The following LRRFIP1 variants were observed in gnomAD, a reference collection of about 807,000 sequenced individuals.
LRRFIP1 encodes the protein LRR binding FLII interacting protein 1.
Under a neutral mutation model 104.4 loss-of-function variants are expected in LRRFIP1, and 62 were observed. The ratio of observed to expected loss-of-function variants is 0.59; its 90% confidence interval spans 0.48 to 0.73. The LOEUF is 0.73. Ranked by LOEUF, LRRFIP1 falls within the 30% of genes least tolerant of loss-of-function variation. LRRFIP1 has a pLI of 0.00. For missense variants in LRRFIP1, 796 were observed against 824.5 expected (o/e 0.97, Z 0.42); for synonymous variants, 300 against 299.0 (o/e 1.00, Z -0.03).
intron 1 of LRRFIP1, among the ~76,000 whole-genome samples, chr2:237,646,222 A>T (rs75829358): frequency 0.19 from 28,372 of 151,130 alleles, 3,255 homozygotes; most frequent in Non-Finnish European, 0.25. Context: ...TTTCATTTTT[A>T]AAAAAAAATA....
intron 4 of LRRFIP1, among the ~76,000 whole-genome samples, chr2:237,718,428 A>T (rs1029906594): frequency 1.3e-5 from 2 of 152,068 alleles, no homozygotes; most frequent in East Asian, 1.9e-4. Context: ...CTTCCTGTGG[A>T]TGGAGAGCTA....
At chr2:237,676,569 G>A (rs879859586) in intron 1 of LRRFIP1, among the ~76,000 whole-genome samples, 3 of 152,112 alleles carry the variant, frequency 2.0e-5, no homozygotes, top group Non-Finnish European at 4.4e-5. Context: ...TCAGTGACAC[G>A]ATCTCGGCTC....
intron 1 of LRRFIP1, among the ~76,000 whole-genome samples, chr2:237,701,160 C>T (rs1275084785): frequency 6.6e-6 from 1 of 152,200 alleles, no homozygotes; most frequent in Non-Finnish European, 1.5e-5. Flanking sequence ...CCCAGCGAGC[C>T]TCCCGCAGCA....
At chr2:237,763,804 T>C in intron 19 of LRRFIP1, 1 of 1,614,166 alleles carries the variant, frequency 6.2e-7, no homozygotes, top group African/African-American at 1.3e-5. Flanking sequence ...AAGAATTAGA[T>C]GAAGGTGTTG....
In LRRFIP1 at chr2:237,766,318, C is replaced by T. The variant is rs976769951; in HGVS notation, c.1460-3625C>T. Among the ~76,000 whole-genome samples, 2 of 139,444 alleles carry T rather than the reference C, an allele frequency of 1.4e-5. No homozygotes were observed. Among genetic ancestry groups the T allele is most frequent in the Non-Finnish European group, 3.3e-5 (2 of 59,740 alleles). 91.5% of individuals were successfully genotyped at this position (139,444 alleles called of 152,430 possible). A position where few individuals can be genotyped will look rare whatever the true frequency, so the allele number is the denominator to read the frequency against. On this transcript the variant is annotated intron_variant, in intron 19 of 23. Coordinates refer to ENST00000308482, the MANE Select transcript of LRRFIP1 (RefSeq NM_001137550.2). The surrounding 1 kb of genome is among the most constrained non-coding windows in gnomAD (Gnocchi z 4.8). ...TAGAGGATGGTGGGGATGATAAATG[C>T]TTGCTAGGAAATAAGTCCAAGGGCT... is the stretch of plus-strand genomic sequence containing the variant.
intron 1 of LRRFIP1, among the ~76,000 whole-genome samples, chr2:237,686,922 C>T (rs957639138): frequency 2.4e-4 from 36 of 152,218 alleles, no homozygotes; most frequent in Admixed American, 6.5e-4. Flanking sequence ...CTGGCATTGA[C>T]CTGGGTGTGT....
intron 1 of LRRFIP1, among the ~76,000 whole-genome samples, chr2:237,658,692 G>A (rs925158896): frequency 2.6e-5 from 4 of 152,162 alleles, no homozygotes; most frequent in South Asian, 2.1e-4. Flanking sequence ...GAGGAGTGCC[G>A]AGTGAAGGAG....
intron 20 of LRRFIP1, 176 bp from the exon 21 acceptor site, chr2:237,771,905 G>A (rs1318997203): frequency 3.4e-6 from 2 of 589,076 alleles, no homozygotes; most frequent in African/African-American, 1.9e-5. Context: ...GAGTTACAGT[G>A]TAATTCATTT....
chr2:237,719,940 C>CTTTTTTTTTTTTTTTTTTTTT (rs57355213), intron 5 of LRRFIP1, among the ~76,000 whole-genome samples: 1 of 103,974 alleles, frequency 9.6e-6, no homozygotes. Context: ...GATGAAATTA[C>CTTTTTTTTTTTTTTTTTTTTT]TTTTTTTTTT....
intron 19 of LRRFIP1, among the ~76,000 whole-genome samples, chr2:237,760,739 C>A (rs1222856111): frequency 1.3e-5 from 2 of 152,128 alleles, no homozygotes; most frequent in African/African-American, 4.8e-5. Context: ...TTCAAGCCAC[C>A]GCTCGAGGTG....
chr2:237,662,118 C>G (rs550072612), intron 1 of LRRFIP1, among the ~76,000 whole-genome samples: 1 of 151,920 alleles, frequency 6.6e-6, no homozygotes, highest in Non-Finnish European at 1.5e-5. Flanking sequence ...TTCCAGGCGT[C>G]TCTCCAGCTT....
At chr2:237,658,190 T>C (rs1172329131) in intron 1 of LRRFIP1, among the ~76,000 whole-genome samples, 1 of 152,236 alleles carries the variant, frequency 6.6e-6, no homozygotes, top group Non-Finnish European at 1.5e-5. Flanking sequence ...AAAGGCTTCA[T>C]ATCAATAGCT....
At chr2:237,646,392 TC>T (rs557550272) in intron 1 of LRRFIP1, among the ~76,000 whole-genome samples, 29 of 152,008 alleles carry the variant, frequency 1.9e-4, no homozygotes, top group African/African-American at 6.3e-4. Flanking sequence ...TAGCTATTCT[TC>T]CTGATGCTCT....
intron 15 of LRRFIP1, 77 bp downstream of exon 15, chr2:237,753,556 G>A: frequency 7.7e-7 from 1 of 1,292,886 alleles, no homozygotes; most frequent in Non-Finnish European, 1.0e-6. Flanking sequence ...GGTACTTTGG[G>A]AGGCCAAGGT....
chr2:237,758,206 G>A (rs972906851), intron 17 of LRRFIP1, among the ~76,000 whole-genome samples: 23 of 150,510 alleles, frequency 1.5e-4, no homozygotes, highest in South Asian at 2.1e-4. Context: ...CCACTGTCAC[G>A]CTCATCAGCA....
intron 7 of LRRFIP1, among the ~76,000 whole-genome samples, chr2:237,724,792 G>A (rs2094677842): frequency 6.6e-6 from 1 of 152,110 alleles, no homozygotes; most frequent in East Asian, 1.9e-4. Flanking sequence ...GCAATGGTCA[G>A]GAACACATTT....
Position 237,703,994 on chromosome 2 carries a change from C to G in LRRFIP1, c.97-4550C>G, listed in dbSNP as rs78834125. On this transcript the variant is annotated intron_variant, in intron 1 of 23. Transcript: ENST00000308482. The surrounding 1 kb of genome is among the most constrained non-coding windows in gnomAD (Gnocchi z 4.3). ...TCGATAAAGGATTTGTCCTGCGCCA[C>G]CGGAGCACTGGCCTGAGGTGCCCTG... is the stretch of plus-strand genomic sequence containing the variant. Among the ~76,000 whole-genome samples the G allele has an allele frequency of 2.5e-3, 384 of 152,178 alleles. 11 individuals carry two copies. The East Asian group carries it at 0.046, about 18-fold the overall frequency.
At chr2:237,751,081 A>G in intron 13 of LRRFIP1, 119 bp from the exon 14 acceptor site, 1 of 641,330 alleles carries the variant, frequency 1.6e-6, no homozygotes, top group East Asian at 2.8e-5. Flanking sequence ...GCTTAATAAA[A>G]TAAAAAAGAA....
In LRRFIP1 at chr2:237,714,249, T is replaced by C; in HGVS notation, c.184-10T>C. On this transcript the variant is annotated splice_polypyrimidine_tract_variant and intron_variant, in intron 2 of 23. Transcript: ENST00000308482. The stretch of plus-strand genomic sequence containing the variant: ...TTTACATTTCTTTTTTCTTCTGTCC[T>C]TCTCTATAGATCTATCAGGTCCAAA... 1.3e-6 allele frequency: 2 copies of C among 1,588,148 alleles called. No homozygotes were observed. Among genetic ancestry groups the C allele is most frequent in the Non-Finnish European group, 8.6e-7 (1 of 1,162,182 alleles).
Sources: allele counts gnomAD v4.1 joint callset (sites outside exome capture counted in the v4.1 genomes callset), GRCh38; gene constraint gnomAD v4.1.1; non-coding constraint Gnocchi (gnomAD v3.1); transcripts MANE v1.5; gene names NCBI Gene and HGNC (gene_info 2026-07-23, HGNC 2026-07-21).